The following ROBO2 variants were observed in gnomAD, a reference collection of about 807,000 sequenced individuals.
ROBO2 encodes roundabout homolog 2.
In ROBO2, 53 loss-of-function variants were observed where a neutral mutation model predicts 160.8. The observed-to-expected ratio is 0.33, with a 90% CI of 0.26 to 0.41. ROBO2 has a LOEUF of 0.41. Among genes scored for constraint, ROBO2 ranks in the 10% least tolerant of loss-of-function variants. ROBO2 has a pLI of 1.00. For missense variants in ROBO2, 1,577 were observed against 1,722.4 expected, an observed-to-expected ratio of 0.92 and a Z score of 1.49; for synonymous variants, 664 against 611.7, an observed-to-expected ratio of 1.09 and a Z score of -1.26.
At chr3:76,778,683 G>T (rs902994437) in intron 2 of ROBO2, among the ~76,000 whole-genome samples, 2 of 151,042 alleles carry the variant, frequency 1.3e-5, no homozygotes, top group Non-Finnish European at 3.0e-5. Context: ...ATATTACAAT[G>T]TATAGGCAAT....
intron 2 of ROBO2, among the ~76,000 whole-genome samples, chr3:76,557,756 ACTTAGAACTCAGTT>A (rs1220049447): frequency 1.3e-5 from 2 of 151,680 alleles, no homozygotes; most frequent in African/African-American, 4.8e-5. Flanking sequence ...AGTATTCTAG[ACTTAGAACTCAGTT>A]CCCCTTCCGT....
At chr3:76,204,802 A>T (rs1702721258) in intron 2 of ROBO2, among the ~76,000 whole-genome samples, 1 of 152,172 alleles carries the variant, frequency 6.6e-6, no homozygotes, top group African/African-American at 2.4e-5. Context: ...TGTGGGTGGG[A>T]GCATATAAAG....
intron 13 of ROBO2, among the ~76,000 whole-genome samples, chr3:77,571,636 A>C (rs1323861028): frequency 1.3e-5 from 2 of 152,052 alleles, no homozygotes; most frequent in Non-Finnish European, 2.9e-5. Context: ...ATGTTTCAGA[A>C]AATACTATTT....
At chr3:76,819,920 T>C (rs557873331) in intron 2 of ROBO2, among the ~76,000 whole-genome samples, 107 of 152,160 alleles carry the variant, frequency 7.0e-4, no homozygotes, top group Middle Eastern at 3.4e-3. Context: ...TTGGGTTCAA[T>C]AGAAGTTTTA....
chr3:76,064,566 A>T (rs1289225384), intron 2 of ROBO2, among the ~76,000 whole-genome samples: 1 of 152,206 alleles, frequency 6.6e-6, no homozygotes. Context: ...CTAATATATG[A>T]TTAGCTCTCT....
chr3:76,580,249 ATTT>A (rs1253950959), intron 2 of ROBO2, among the ~76,000 whole-genome samples: 2 of 130,280 alleles, frequency 1.5e-5, no homozygotes, highest in East Asian at 4.4e-4. Flanking sequence ...AATTTGATTA[ATTT>A]TTTATTTGCT....
intron 2 of ROBO2, among the ~76,000 whole-genome samples, chr3:76,160,268 G>A (rs62268949): frequency 2.0e-5 from 3 of 152,076 alleles, no homozygotes; most frequent in Admixed American, 6.6e-5. Flanking sequence ...TTCAGAACTT[G>A]ATTCCACTTG....
intron 2 of ROBO2, among the ~76,000 whole-genome samples, chr3:76,486,666 T>C (rs2079515182): frequency 6.6e-6 from 1 of 152,130 alleles, no homozygotes; most frequent in Admixed American, 6.6e-5. Context: ...CCAAAATAAA[T>C]GTATGAGGGC....
intron 2 of ROBO2, among the ~76,000 whole-genome samples, chr3:76,682,886 A>G (rs915909767): frequency 6.6e-6 from 1 of 152,158 alleles, no homozygotes; most frequent in Non-Finnish European, 1.5e-5. Context: ...ACGTCAACTA[A>G]GCAATTGTAT....
At chr3:76,701,455 G>A (rs1406681680) in intron 2 of ROBO2, among the ~76,000 whole-genome samples, 1 of 152,068 alleles carries the variant, frequency 6.6e-6, no homozygotes, top group East Asian at 1.9e-4. Context: ...TGCTTTAGGT[G>A]ATTGGATGCT....
chr3:77,360,864 G>T (rs1372742540), intron 2 of ROBO2, among the ~76,000 whole-genome samples: 1 of 148,860 alleles, frequency 6.7e-6, no homozygotes, highest in African/African-American at 2.5e-5. Flanking sequence ...TTTTCTTAGG[G>T]ACTTGAGGTG....
intron 2 of ROBO2, among the ~76,000 whole-genome samples, chr3:76,424,117 T>C (rs1369736626): frequency 6.6e-6 from 1 of 152,214 alleles, no homozygotes; most frequent in East Asian, 1.9e-4. Context: ...ATATAAGTGA[T>C]AAGCCACAGT....
intron 2 of ROBO2, among the ~76,000 whole-genome samples, chr3:76,730,986 G>C (rs1481271584): frequency 3.1e-4 from 12 of 39,302 alleles, no homozygotes; most frequent in East Asian, 1.6e-3. Context: ...CTACCCGCTT[G>C]TCCTCACCTC....
intron 2 of ROBO2, among the ~76,000 whole-genome samples, chr3:76,971,579 C>A (rs1038997526): frequency 6.6e-6 from 1 of 152,086 alleles, no homozygotes; most frequent in Non-Finnish European, 1.5e-5. Context: ...AAAGGGTACA[C>A]CTGTAAACAT....
chr3:76,767,049 A>T (rs1313917187), intron 2 of ROBO2, among the ~76,000 whole-genome samples: 2 of 151,598 alleles, frequency 1.3e-5, no homozygotes, highest in African/African-American at 2.4e-5. Flanking sequence ...CCTAAAAATG[A>T]TAAATATAGG....
Position 76,476,842 on chromosome 3 carries a change from G to A in ROBO2, c.109+539240G>A, listed in dbSNP as rs1378363770. 4.0e-5 allele frequency among the ~76,000 whole-genome samples: 6 copies of A among 151,774 alleles called. No homozygotes were observed. In the South Asian group the frequency reaches 1.2e-3, roughly 31 times the overall value. ...TAATTTATATTCTTGGGAAAAAATGGAAAAAAAATGATTTTATAGAACATG... is the reference window on the plus strand; with the variant it reads ...TAATTTATATTCTTGGGAAAAAATGAAAAAAAAATGATTTTATAGAACATG... On this transcript the variant is annotated intron_variant, in intron 2 of 26. Coordinates refer to the ROBO2 transcript ENST00000487694.
chr3:77,551,055 C>T, intron 8 of ROBO2, 66 bp downstream of exon 9: 1 of 1,533,876 alleles, frequency 6.5e-7, no homozygotes, highest in Non-Finnish European at 9.0e-7. Flanking sequence ...ACACGTTAAC[C>T]ATGTGGAGTT....
intron 23 of ROBO2, among the ~76,000 whole-genome samples, chr3:77,626,232 T>C (rs1452011924): frequency 6.6e-6 from 1 of 152,196 alleles, no homozygotes; most frequent in East Asian, 1.9e-4. Context: ...GAAACATTAG[T>C]CCTTTTTCCT....
chr3:77,433,108 T>G (rs2078942813), intron 2 of ROBO2, among the ~76,000 whole-genome samples: 1 of 152,074 alleles, frequency 6.6e-6, no homozygotes, highest in African/African-American at 2.4e-5. Context: ...ACTGTCCCCA[T>G]AACTAGTCTC....
Sources: allele counts gnomAD v4.1 joint callset (sites outside exome capture counted in the v4.1 genomes callset), GRCh38; gene constraint gnomAD v4.1.1; transcripts MANE v1.5; gene names NCBI Gene and HGNC (gene_info 2026-07-23, HGNC 2026-07-21).